Variants in KDM4C observed in about 807,000 individuals in gnomAD.
KDM4C encodes lysine-specific demethylase 4C.
Under a neutral mutation model 129.3 loss-of-function variants are expected in KDM4C, and 81 were observed. The ratio of observed to expected loss-of-function variants is 0.63; its 90% CI spans 0.52 to 0.75. The LOEUF (loss-of-function observed/expected upper bound fraction) is 0.75. Among genes scored for constraint, KDM4C ranks in the 30% least tolerant of loss-of-function variants. The pLI is 0.00. For synonymous variants in KDM4C, 573 were observed against 456.1 expected (o/e 1.26, Z -3.26); for missense variants, 1,457 against 1,304.0 (o/e 1.12, Z -1.81).
chr9:6,893,016 A>T (rs1846322919), intron 7 of KDM4C, 79 bp from the exon 8 acceptor site: 11 of 1,134,140 alleles, frequency 9.7e-6, no homozygotes, highest in Non-Finnish European at 1.3e-5. Context: ...TTGTTTTTTA[A>T]TGGGAAATAT....
chr9:6,891,810 C>T (rs1031819531), intron 7 of KDM4C, among the ~76,000 whole-genome samples: 7 of 151,878 alleles, frequency 4.6e-5, no homozygotes, highest in African/African-American at 1.7e-4. Flanking sequence ...AAGTAATTTT[C>T]TGAGGTTGAT....
intron 15 of KDM4C, among the ~76,000 whole-genome samples, chr9:7,029,786 A>G (rs2132345303): frequency 6.6e-6 from 1 of 152,322 alleles, no homozygotes; most frequent in African/African-American, 2.4e-5. Flanking sequence ...GAAGATTGAT[A>G]ATGTAACATC....
intron 8 of KDM4C, among the ~76,000 whole-genome samples, chr9:6,937,556 T>A (rs1289796310): frequency 1.3e-5 from 2 of 152,274 alleles, no homozygotes; most frequent in South Asian, 2.1e-4. Flanking sequence ...TTAACCTCTT[T>A]GATAGCAAAC....
chr9:7,149,843 T>G (rs1315284710), intron 19 of KDM4C, among the ~76,000 whole-genome samples: 2 of 152,152 alleles, frequency 1.3e-5, no homozygotes, highest in Non-Finnish European at 2.9e-5. Context: ...TACCTTTAAA[T>G]AAAGAAGAGG....
chr9:7,001,355 G>A (rs1281223246), intron 12 of KDM4C, among the ~76,000 whole-genome samples: 1 of 152,178 alleles, frequency 6.6e-6, no homozygotes, highest in African/African-American at 2.4e-5. Context: ...CATAGTTGTT[G>A]ATGAAGTCTT....
At chr9:7,133,614 C>T (rs1174542645) in intron 19 of KDM4C, among the ~76,000 whole-genome samples, 1 of 152,174 alleles carries the variant, frequency 6.6e-6, no homozygotes, top group Non-Finnish European at 1.5e-5. Flanking sequence ...CCCCTTGTTC[C>T]ATTGCTTATT....
intron 5 of KDM4C, among the ~76,000 whole-genome samples, chr9:6,879,171 G>A (rs1350713607): frequency 2.0e-5 from 3 of 151,760 alleles, no homozygotes; most frequent in Non-Finnish European, 4.4e-5. Context: ...AGCAAATAGA[G>A]GTCTTCAAAA....
At chr9:7,161,078 A>C (rs1167878746) in intron 19 of KDM4C, among the ~76,000 whole-genome samples, 2 of 152,284 alleles carry the variant, frequency 1.3e-5, no homozygotes, top group African/African-American at 4.8e-5. Context: ...CTCGCACTTC[A>C]GTCTCAGACT....
chr9:6,991,130 G>A (rs1057395339), intron 12 of KDM4C, among the ~76,000 whole-genome samples: 28 of 151,964 alleles, frequency 1.8e-4, no homozygotes, highest in Non-Finnish European at 2.6e-4. Flanking sequence ...ATGCTGGAGT[G>A]CAGTGGAGGG....
At chr9:7,022,917 G>C in intron 15 of KDM4C, among the ~76,000 whole-genome samples, 1 of 152,200 alleles carries the variant, frequency 6.6e-6, no homozygotes, top group Middle Eastern at 3.4e-3. Flanking sequence ...TACGGTTTTT[G>C]TTCTTCATTC....
intron 8 of KDM4C, among the ~76,000 whole-genome samples, chr9:6,960,011 G>A (rs1397164626): frequency 6.6e-6 from 1 of 151,920 alleles, no homozygotes; most frequent in Non-Finnish European, 1.5e-5. Flanking sequence ...AATGCTTGTA[G>A]ATACAGAAAC....
At chr9:6,973,381 C>T (rs989923809) in intron 8 of KDM4C, among the ~76,000 whole-genome samples, 2 of 152,146 alleles carry the variant, frequency 1.3e-5, no homozygotes. Flanking sequence ...ATCAAATAGA[C>T]TAAAAGCATT....
At chr9:7,084,598 A>AT (rs989767719) in intron 17 of KDM4C, among the ~76,000 whole-genome samples, 9 of 152,184 alleles carry the variant, frequency 5.9e-5, no homozygotes, top group African/African-American at 1.9e-4. Flanking sequence ...CATTGTATAT[A>AT]TTTTAAACAA....
At chr9:7,015,747 A>G in intron 14 of KDM4C, 106 bp from the exon 15 acceptor site, 1 of 701,430 alleles carries the variant, frequency 1.4e-6, no homozygotes, top group Non-Finnish European at 2.5e-6. Flanking sequence ...GAATCAAGAC[A>G]GTATGGTAGG....
At chr9:7,032,879 G>A (rs1827010902) in intron 15 of KDM4C, among the ~76,000 whole-genome samples, 5 of 152,172 alleles carry the variant, frequency 3.3e-5, no homozygotes, top group Admixed American at 3.3e-4. Flanking sequence ...TCTACTTAAC[G>A]TAGAATAATT....
chr9:7,054,139 A>G (rs539995158), intron 17 of KDM4C, among the ~76,000 whole-genome samples: 2 of 152,230 alleles, frequency 1.3e-5, no homozygotes, highest in Non-Finnish European at 2.9e-5. Context: ...CACCAAAAGA[A>G]TATGTGAGGA....
chr9:6,759,295 G>T (rs113644094), intron 1 of KDM4C, among the ~76,000 whole-genome samples: 5 of 152,140 alleles, frequency 3.3e-5, no homozygotes, highest in African/African-American at 1.2e-4. Flanking sequence ...TCTAAATTCC[G>T]GGCAGCTTGG....
At chr9:6,985,747 G>A (rs1384142192) in intron 10 of KDM4C, among the ~76,000 whole-genome samples, 2 of 152,082 alleles carry the variant, frequency 1.3e-5, no homozygotes, top group South Asian at 2.1e-4. Flanking sequence ...CTGGAGTGCC[G>A]TGGCACAATC....
In KDM4C at chr9:6,948,958, C is replaced by T. The variant is rs577014612; in HGVS notation, c.922-31967C>T. Among the ~76,000 whole-genome samples the T allele has an allele frequency of 3.5e-3, 522 of 150,722 alleles. 2 individuals carry two copies. Among genetic ancestry groups the T allele is most frequent in the African/African-American group, 0.012 (488 of 40,160 alleles). On this transcript the variant is annotated intron_variant, in intron 8 of 21. Transcript: ENST00000381309. The stretch of plus-strand genomic sequence containing the variant: ...TTCCCCCTTCTCTATTCGACGAAAC[C>T]GCCATCGTCATCATGGCCCGTTCTC...
Sources: allele counts gnomAD v4.1 joint callset (sites outside exome capture counted in the v4.1 genomes callset), GRCh38; gene constraint gnomAD v4.1.1; transcripts MANE v1.5; gene names NCBI Gene and HGNC (gene_info 2026-07-23, HGNC 2026-07-21).